The following ELAVL2 variants were observed in gnomAD, a reference collection of about 807,000 sequenced individuals.
ELAVL2 encodes ELAV-like protein 2.
In ELAVL2, 4 loss-of-function variants were observed where a neutral mutation model predicts 34.6. The ratio of observed to expected loss-of-function variants is 0.12; its 90% CI spans 0.06 to 0.26. ELAVL2 has a LOEUF of 0.26. ELAVL2 is among the 10% of genes least tolerant of loss of function. The pLI is 1.00. For missense variants in ELAVL2, 432 were observed against 442.8 expected, an observed-to-expected ratio of 0.98 and a Z score of 0.22; for synonymous variants, 193 against 154.8, an observed-to-expected ratio of 1.25 and a Z score of -1.83.
intron 1 of ELAVL2, among the ~76,000 whole-genome samples, chr9:23,768,829 TAAAC>T (rs1325318046): frequency 6.6e-6 from 1 of 152,072 alleles, no homozygotes; most frequent in African/African-American, 2.4e-5. Context: ...GCAGGAAAAT[TAAAC>T]AGATCTTGAA....
rs13295786 is a variant in ELAVL2, at chr9:23,786,802, A to C, written c.-15-24553T>G. ...GTGGCAAAAAAAAAAAAAAAAAAAA[A>C]AGAGAGAGAGAGAAAGGAAAGCCTT... On this transcript the variant is annotated intron_variant, in intron 1 of 6. Coordinates refer to ENST00000397312, the MANE Select transcript of ELAVL2 (RefSeq NM_004432.5). Among the ~76,000 whole-genome samples the C allele has an allele frequency of 9.4e-4, 120 of 127,272 alleles. 1 individual carries two copies. Among genetic ancestry groups the C allele is most frequent in the Middle Eastern group, 4.5e-3 (1 of 224 alleles). 83.5% of individuals were successfully genotyped at this position (127,272 alleles called of 152,430 possible).
intron 1 of ELAVL2, among the ~76,000 whole-genome samples, chr9:23,801,468 T>C (rs796921315): frequency 9.9e-5 from 15 of 152,216 alleles, no homozygotes; most frequent in African/African-American, 3.4e-4. Context: ...AAGTGTGTCT[T>C]TGCCTTCAAG....
chr9:23,722,994 G>C (rs2044128131), intron 3 of ELAVL2, among the ~76,000 whole-genome samples: 1 of 152,118 alleles, frequency 6.6e-6, no homozygotes, highest in African/African-American at 2.4e-5. Context: ...TGAAAGAAAA[G>C]CCCTACCCCA....
At chr9:23,777,459 G>A (rs952399922) in intron 1 of ELAVL2, among the ~76,000 whole-genome samples, 7 of 152,006 alleles carry the variant, frequency 4.6e-5, no homozygotes, top group Middle Eastern at 3.2e-3. Flanking sequence ...GTTTAGAAAC[G>A]TGCCCTTTCT....
intron 4 of ELAVL2, among the ~76,000 whole-genome samples, chr9:23,704,424 A>C (rs1207386068): frequency 6.6e-6 from 1 of 152,138 alleles, no homozygotes; most frequent in Non-Finnish European, 1.5e-5. Flanking sequence ...ATAAATTTTT[A>C]ACATTCAAAA....
At chr9:23,712,094 G>A (rs945741136) in intron 3 of ELAVL2, among the ~76,000 whole-genome samples, 2 of 152,118 alleles carry the variant, frequency 1.3e-5, no homozygotes, top group African/African-American at 2.4e-5. Context: ...GGGGCGGGGG[G>A]AGTCTTAATT....
chr9:23,704,497 A>G (rs910641858), intron 4 of ELAVL2, among the ~76,000 whole-genome samples: 2 of 152,186 alleles, frequency 1.3e-5, no homozygotes, highest in Non-Finnish European at 2.9e-5. Context: ...CTGAACAGCA[A>G]TTACCAGTGT....
chr9:23,820,451 T>C (rs1278516605), intron 1 of ELAVL2, among the ~76,000 whole-genome samples: 1 of 152,178 alleles, frequency 6.6e-6, no homozygotes. Flanking sequence ...TTTTCCCATG[T>C]TTTCAGAAAA....
In ELAVL2 at chr9:23,745,049, T is replaced by C. The variant is rs577280481; in HGVS notation, c.230-13924A>G. ...AGGGAGAACCTGTCTCTACAAAATA[T>C]ATAAATTAGCTGGGCATAATGGCAC... On this transcript the variant is annotated intron_variant, in intron 2 of 6. Transcript: ENST00000397312. Among the ~76,000 whole-genome samples, 5 of 151,952 alleles carry C rather than the reference T, an allele frequency of 3.3e-5. No homozygotes were observed. In the East Asian group the frequency reaches 9.7e-4, roughly 30 times the overall value.
chr9:23,759,754 TTATATATATA>T (rs774471922), intron 2 of ELAVL2, among the ~76,000 whole-genome samples: 7,086 of 81,344 alleles, frequency 0.087, 652 homozygotes, highest in Admixed American at 0.22. Flanking sequence ...ATATATAGTA[TTATATATATA>T]TATATATATA....
chr9:23,806,260 G>GA (rs1008728361), intron 1 of ELAVL2, among the ~76,000 whole-genome samples: 9 of 151,936 alleles, frequency 5.9e-5, no homozygotes, highest in African/African-American at 2.2e-4. Context: ...ACAATTAAAA[G>GA]AAAAAAACTT....
the ELAVL2 span, among the ~76,000 whole-genome samples, chr9:23,841,024 A>C: frequency 6.6e-6 from 1 of 152,162 alleles, no homozygotes; most frequent in Non-Finnish European, 1.5e-5. Flanking sequence ...CCTGAGAGTC[A>C]ATTTTAAATA....
intron 2 of ELAVL2, among the ~76,000 whole-genome samples, chr9:23,734,712 T>C (rs978344402): frequency 1.3e-5 from 2 of 152,216 alleles, no homozygotes; most frequent in East Asian, 1.9e-4. Context: ...TCAGTGCCAT[T>C]ATTCATTCCT....
At chr9:23,741,125 TG>T (rs544978297) in intron 2 of ELAVL2, among the ~76,000 whole-genome samples, 37 of 152,294 alleles carry the variant, frequency 2.4e-4, no homozygotes, top group African/African-American at 8.9e-4. Context: ...CTCTTTAGTG[TG>T]TCAAAACAGA....
At chr9:23,765,691 T>C (rs1009767544) in intron 1 of ELAVL2, among the ~76,000 whole-genome samples, 8 of 152,154 alleles carry the variant, frequency 5.3e-5, no homozygotes, top group African/African-American at 1.9e-4. Context: ...TTCTAACAGT[T>C]TCAATGAGAA....
upstream of ELAVL2, chr9:23,830,078 G>C (rs1025899530): frequency 2.0e-5 from 3 of 152,150 alleles, no homozygotes; most frequent in African/African-American, 7.2e-5. Context: ...CCTTTCTTCA[G>C]AGTGTTCATG....
chr9:23,790,135 C>A (rs956132204), intron 1 of ELAVL2, among the ~76,000 whole-genome samples: 2 of 151,038 alleles, frequency 1.3e-5, no homozygotes, highest in Admixed American at 6.6e-5. Context: ...GTTAGAGGAC[C>A]AATGTAAAAG....
At chr9:23,820,298 G>T (rs2064375778) in intron 1 of ELAVL2, among the ~76,000 whole-genome samples, 1 of 152,176 alleles carries the variant, frequency 6.6e-6, no homozygotes, top group East Asian at 1.9e-4. Flanking sequence ...AAATTTTTAT[G>T]AAGAATTATT....
chr9:23,774,213 C>CAAAAAAAAAAAAAAAAAAAA, intron 1 of ELAVL2, among the ~76,000 whole-genome samples: 1 of 61,452 alleles, frequency 1.6e-5, no homozygotes, highest in Non-Finnish European at 2.9e-5. Context: ...GACTCCATCT[C>CAAAAAAAAAAAAAAAAAAAA]AAAAAAAAAA....
Sources: gnomAD v4.1 joint callset for allele counts (sites outside exome capture counted in the v4.1 genomes callset) on GRCh38, gnomAD v4.1.1 for gene constraint, MANE v1.5 for transcripts, NCBI Gene and HGNC (gene_info 2026-07-23, HGNC 2026-07-21) for gene names.